The following ABL1 variants were observed in gnomAD, a reference collection of about 807,000 sequenced individuals.
ABL1 encodes ABL proto-oncogene 1, non-receptor tyrosine kinase.
In ABL1, 11 loss-of-function variants were observed where a neutral mutation model predicts 94.7. That is an observed-to-expected ratio of 0.12 (90% CI 0.07 to 0.19). The LOEUF is 0.19. Among genes scored for constraint, ABL1 ranks in the 10% least tolerant of loss-of-function variants. ABL1 has a pLI of 1.00. For synonymous variants in ABL1, 656 were observed against 622.4 expected (o/e 1.05, Z -0.80); for missense variants, 1,082 against 1,489.4 (o/e 0.73, Z 4.50).
At chr9:130,808,798 T>C (rs1033192174) in intron 1 of ABL1, among the ~76,000 whole-genome samples, 26 of 152,208 alleles carry the variant, frequency 1.7e-4, no homozygotes, top group Non-Finnish European at 2.9e-4. Flanking sequence ...CTCTTAAAAT[T>C]CTTACATTTG....
At chr9:130,861,651 C>T (rs1831073631) in intron 3 of ABL1, among the ~76,000 whole-genome samples, 1 of 152,092 alleles carries the variant, frequency 6.6e-6, no homozygotes, top group Admixed American at 6.6e-5. Flanking sequence ...CACCACTGTC[C>T]CAAATCTGCT....
At chr9:130,797,236 GAAAAAAAAAAAAAAAAA>G (rs71389356) in intron 1 of ABL1, among the ~76,000 whole-genome samples, 3 of 55,214 alleles carry the variant, frequency 5.4e-5, no homozygotes, top group Non-Finnish European at 1.0e-4. Flanking sequence ...ACTCCATCTC[GAAAAAAAAAAAAAAAAA>G]AAAAAAAAAA....
At chr9:130,856,418 C>T (rs111696962) in intron 3 of ABL1, among the ~76,000 whole-genome samples, 5 of 152,126 alleles carry the variant, frequency 3.3e-5, no homozygotes, top group African/African-American at 1.2e-4. Flanking sequence ...GACAGGGTCT[C>T]GCCATGTCGC....
At chr9:130,735,975 A>T (rs1418738203) in intron 1 of ABL1, among the ~76,000 whole-genome samples, 2 of 64,974 alleles carry the variant, frequency 3.1e-5, no homozygotes, top group East Asian at 8.0e-4. Flanking sequence ...TTTTTTTTTA[A>T]GACAGGGTCT....
chr9:130,878,491 T>C lies in ABL1; in HGVS notation c.1347T>C (p.Tyr449=). The C allele has an allele frequency of 6.2e-7, 1 of 1,613,110 alleles. No individual in the cohort carries two copies. The highest frequency in any genetic ancestry group is 8.5e-7 in the Non-Finnish European group (1 of 1,179,020). ...PYPGIDLSQV[Y]ELLEKDYRME... is the part of the protein sequence containing the mutation. Reference sequence around the variant, plus strand: ...CGGGAATTGACCTGTCCCAGGTGTATGAGCTGCTAGAGAAGGACTACCGCA... The same window carrying C: ...CGGGAATTGACCTGTCCCAGGTGTACGAGCTGCTAGAGAAGGACTACCGCA... The change falls in exon 8 of 11, where the codon TAT becomes TAC. Residue 449 remains tyrosine, a synonymous_variant. Coordinates refer to ENST00000318560, the MANE Select transcript of ABL1 (RefSeq NM_005157.6).
chr9:130,860,113 T>C (rs1386340592), intron 3 of ABL1, among the ~76,000 whole-genome samples: 1 of 152,102 alleles, frequency 6.6e-6, no homozygotes, highest in South Asian at 2.1e-4. Context: ...ATGCCATTCA[T>C]GACACTACTT....
At position 130,835,605 on chromosome 9, in the gene ABL1, C is replaced by G; in HGVS notation, c.79+80C>G. ...CTGGGCCCTTCCTAGGCCTCGCCGC[C>G]CGCGCGCTCCCGCCTGCGCCCTCCC... is the stretch of plus-strand genomic sequence containing the variant. On this transcript the variant is annotated intron_variant, in intron 1 of 10. Transcript: ENST00000318560. The surrounding 1 kb of genome is among the most constrained non-coding windows in gnomAD (Gnocchi z 4.6). 8.5e-7 allele frequency: 1 copy of G among 1,178,640 alleles called. No homozygotes were observed. The highest frequency in any genetic ancestry group is 1.2e-6 in the Non-Finnish European group (1 of 821,452). The allele number at this position is 1,178,640 out of a possible 1,614,324, so 73.0% of individuals were successfully genotyped here.
At chr9:130,801,769 T>C (rs1397022257) in intron 1 of ABL1, among the ~76,000 whole-genome samples, 4 of 152,214 alleles carry the variant, frequency 2.6e-5, no homozygotes, top group Non-Finnish European at 4.4e-5. Context: ...CAGCCCTTCA[T>C]TGGGTCCTTG....
chr9:130,880,688 C>G lies in ABL1; in HGVS notation c.1678+24C>G, dbSNP rs777189321. The G allele has an allele frequency of 3.1e-6, 5 of 1,610,260 alleles. No individual in the cohort carries two copies. The South Asian group carries it at 5.5e-5, about 18-fold the overall frequency. On this transcript the variant is annotated intron_variant, in intron 10 of 10. Transcript: ENST00000318560. This position sits in a 1 kb window ranked among gnomAD's most constrained non-coding sequence, Gnocchi z 4.4. Reference sequence around the variant, plus strand: ...CGGTAAGTCCCCCGCTTCCCCCAACCCCACTGCTCTTCCCTTCCCTGCCAG... The same window carrying G: ...CGGTAAGTCCCCCGCTTCCCCCAACGCCACTGCTCTTCCCTTCCCTGCCAG...
chr9:130,868,711 C>T (rs900511682), intron 4 of ABL1, among the ~76,000 whole-genome samples: 1 of 151,334 alleles, frequency 6.6e-6, no homozygotes, highest in African/African-American at 2.4e-5. Flanking sequence ...AGTAGAGACA[C>T]GGTTTCACCA....
intron 1 of ABL1, among the ~76,000 whole-genome samples, chr9:130,849,394 C>T (rs780552070): frequency 2.0e-5 from 3 of 152,162 alleles, no homozygotes; most frequent in Admixed American, 6.5e-5. Context: ...TGAGAGTGCC[C>T]GTTTCTCTGA....
chr9:130,802,760 G>T (rs1830073318), intron 1 of ABL1, among the ~76,000 whole-genome samples: 1 of 152,188 alleles, frequency 6.6e-6, no homozygotes, highest in Admixed American at 6.6e-5. Flanking sequence ...TGTATGGTGG[G>T]TAGTTCTGGA....
At chr9:130,733,031 A>T (rs960316238) in intron 1 of ABL1, among the ~76,000 whole-genome samples, 8 of 152,218 alleles carry the variant, frequency 5.3e-5, no homozygotes, top group African/African-American at 1.9e-4. Flanking sequence ...GAGTGTTTTT[A>T]ATAGAGATAT....
chr9:130,741,219 T>TAA (rs1336644620), intron 1 of ABL1, among the ~76,000 whole-genome samples: 7 of 152,150 alleles, frequency 4.6e-5, no homozygotes, highest in African/African-American at 1.7e-4. Flanking sequence ...TGAGTGCTAG[T>TAA]CATGGTGCTG....
intron 1 of ABL1, among the ~76,000 whole-genome samples, chr9:130,815,104 C>CA (rs1830265046): frequency 6.6e-6 from 1 of 151,998 alleles, no homozygotes; most frequent in Non-Finnish European, 1.5e-5. Context: ...GAGGCTGAGG[C>CA]AGGTGGATCA....
At chr9:130,813,561 CAAAAAAAAAAAAA>C (rs57194587) in intron 1 of ABL1, among the ~76,000 whole-genome samples, 9 of 60,670 alleles carry the variant, frequency 1.5e-4, no homozygotes, top group Non-Finnish European at 1.9e-4. Context: ...ACTCCATCTC[CAAAAAAAAAAAAA>C]AAAAAAAAAA....
intron 1 of ABL1, among the ~76,000 whole-genome samples, chr9:130,741,102 C>G (rs1335633331): frequency 6.6e-6 from 1 of 152,128 alleles, no homozygotes; most frequent in Non-Finnish European, 1.5e-5. Context: ...ATCCCTGCTC[C>G]TGGGATATCC....
At chr9:130,782,288 T>C (rs775073179) in intron 1 of ABL1, among the ~76,000 whole-genome samples, 7 of 152,328 alleles carry the variant, frequency 4.6e-5, no homozygotes, top group Admixed American at 1.3e-4. Context: ...CTCAAACTCC[T>C]GACCTCAAGT....
intron 1 of ABL1, among the ~76,000 whole-genome samples, chr9:130,820,637 G>A (rs1019239629): frequency 3.3e-5 from 5 of 152,172 alleles, no homozygotes; most frequent in African/African-American, 4.8e-5. Flanking sequence ...CTCATTAGAA[G>A]CATCAGTAAA....
Sources: allele counts gnomAD v4.1 joint callset (sites outside exome capture counted in the v4.1 genomes callset), GRCh38; gene constraint gnomAD v4.1.1; non-coding constraint Gnocchi (gnomAD v3.1); transcripts MANE v1.5; gene names NCBI Gene and HGNC (gene_info 2026-07-23, HGNC 2026-07-21).